Variants in FARP2 observed in about 807,000 individuals in gnomAD.
The protein encoded by FARP2 is FERM, ARHGEF and pleckstrin domain-containing protein 2.
Under a neutral mutation model 130.5 loss-of-function variants are expected in FARP2, and 111 were observed. The ratio of observed to expected loss-of-function variants is 0.85; its 90% CI spans 0.73 to 1.00. The LOEUF is 1.00. Ranked by LOEUF, FARP2 falls within the 50% of genes least tolerant of loss-of-function variation. The pLI is 0.00. For missense variants in FARP2, 1,385 were observed against 1,346.3 expected (o/e 1.03, Z -0.45); for synonymous variants, 504 against 516.9 (o/e 0.98, Z 0.34).
chr2:241,460,478 A>G (rs2063985070), intron 14 of FARP2, among the ~76,000 whole-genome samples: 1 of 150,128 alleles, frequency 6.7e-6, no homozygotes, highest in South Asian at 2.1e-4. Flanking sequence ...GGGTCTCACT[A>G]TGTTGCCCAG....
rs558963478 is a variant in FARP2, at chr2:241,407,624, C to T, written c.410+9C>T. 15 of 1,604,728 alleles carry T rather than the reference C, an allele frequency of 9.3e-6. No homozygotes were observed. The South Asian group carries it at 1.3e-4, about 14-fold the overall frequency. On this transcript the variant is annotated intron_variant, in intron 5 of 26. Transcript: ENST00000264042. ...CAAGAAGAATATACAAGGTAAAGAGCTCACAGAGCTGAAGCTGTTGTCAGC... is the reference window on the plus strand; with the variant it reads ...CAAGAAGAATATACAAGGTAAAGAGTTCACAGAGCTGAAGCTGTTGTCAGC...
In FARP2 at chr2:241,494,428, G is replaced by A. The variant is rs2065048189; in HGVS notation, c.*303G>A. On this transcript the variant is annotated 3_prime_UTR_variant, in exon 27 of 27. Coordinates refer to ENST00000264042, the MANE Select transcript of FARP2 (RefSeq NM_014808.4). This position sits in a 1 kb window ranked among gnomAD's most constrained non-coding sequence, Gnocchi z 4.9. ...AAGACGCAGACAAGGCCTGAGCAGT[G>A]CTCTCGGCATCGGACCAAAGCCTGG... is the stretch of plus-strand genomic sequence containing the variant. The A allele has an allele frequency of 4.3e-6, 1 of 230,370 alleles. No individual in the cohort carries two copies. The highest frequency in any genetic ancestry group is 8.4e-6 in the Non-Finnish European group (1 of 118,632). 14.3% of individuals were successfully genotyped at this position (230,370 alleles called of 1,614,324 possible). A position where few individuals can be genotyped will look rare whatever the true frequency, so the allele number is the denominator to read the frequency against.
At chr2:241,418,469 AC>A (rs1054897971) in intron 8 of FARP2, among the ~76,000 whole-genome samples, 1 of 149,014 alleles carries the variant, frequency 6.7e-6, no homozygotes, top group Non-Finnish European at 1.5e-5. Flanking sequence ...CTAAACCACA[AC>A]CCTGTTTTTT....
intron 2 of FARP2, among the ~76,000 whole-genome samples, chr2:241,397,272 C>G (rs776334429): frequency 2.5e-4 from 38 of 152,084 alleles, no homozygotes; most frequent in Non-Finnish European, 3.2e-4. Context: ...CAGCATGGCA[C>G]ATGTATACAT....
intron 4 of FARP2, among the ~76,000 whole-genome samples, chr2:241,406,094 G>C (rs979676572): frequency 6.6e-6 from 1 of 152,088 alleles, no homozygotes; most frequent in Non-Finnish European, 1.5e-5. Context: ...ACAAGGTCAG[G>C]AGATCGAGAC....
chr2:241,411,033 A>T lies in FARP2; in HGVS notation c.411A>T (p.Arg137Ser), dbSNP rs1364098862. ...DPGQLQEEYT[R>S]YLFALQLKRD... ...TGTCTTATTTTGAACTCTCTTCTAG[A>T]TACTTGTTTGCCTTGCAACTTAAGA... The change falls in exon 6 of 27, where the codon AGA (arginine) becomes AGT (serine). Residue 137 changes from arginine (R) to serine (S), a missense_variant and splice_region_variant. Physicochemically the swap from Arg to Ser is moderately radical, Grantham distance 110. Coordinates refer to ENST00000264042, the MANE Select transcript of FARP2 (RefSeq NM_014808.4). 4.4e-6 allele frequency: 7 copies of T among 1,599,232 alleles called. No homozygotes were observed. The highest frequency in any genetic ancestry group is 6.0e-6 in the Non-Finnish European group (7 of 1,168,764).
rs575612128 is a variant in FARP2, at chr2:241,403,375, C to T, written c.184-453C>T. Among the ~76,000 whole-genome samples the T allele has an allele frequency of 6.6e-4, 100 of 152,114 alleles. 3 individuals carry two copies. In the South Asian group the frequency reaches 0.02, roughly 31 times the overall value. ...GAATACAGGTGGGCACCGCTGTGCT[C>T]GGCTAATTTTTTAATTTGGGTAGAG... On this transcript the variant is annotated intron_variant, in intron 2 of 26. Coordinates refer to ENST00000264042, the MANE Select transcript of FARP2 (RefSeq NM_014808.4).
chr2:241,427,431 A>G (rs2062970302), intron 8 of FARP2, among the ~76,000 whole-genome samples: 1 of 152,162 alleles, frequency 6.6e-6, no homozygotes, highest in Non-Finnish European at 1.5e-5. Flanking sequence ...GGTCAAGGCA[A>G]GAGAATCACC....
Position 241,494,144 on chromosome 2 carries a change from T to G in FARP2, c.*19T>G, listed in dbSNP as rs748337739. ...GGAATGACGCTCAACCTGCCCAGGT[T>G]TGGACACAACTACAAAGAACAGCAG... On this transcript the variant is annotated 3_prime_UTR_variant, in exon 27 of 27. Transcript: ENST00000264042. This position sits in a 1 kb window ranked among gnomAD's most constrained non-coding sequence, Gnocchi z 4.9. The G allele has an allele frequency of 7.1e-6, 10 of 1,417,896 alleles. No homozygotes were observed. The highest frequency in any genetic ancestry group is 9.4e-6 in the Non-Finnish European group (10 of 1,067,622). The allele number at this position is 1,417,896 out of a possible 1,614,324, so 87.8% of individuals were successfully genotyped here.
intron 1 of FARP2, among the ~76,000 whole-genome samples, chr2:241,368,320 A>G (rs1170880629): frequency 1.3e-5 from 2 of 152,038 alleles, no homozygotes; most frequent in African/African-American, 4.8e-5. Flanking sequence ...TTACTTTGCC[A>G]CTTTCCTCTG....
chr2:241,465,627 TCTCA>T (rs1354549802), intron 17 of FARP2: 48 of 1,550,478 alleles, frequency 3.1e-5, no homozygotes, highest in Admixed American at 3.9e-5. Flanking sequence ...TGTTCAGGGG[TCTCA>T]CTCTTGCTTA....
intron 1 of FARP2, among the ~76,000 whole-genome samples, chr2:241,358,759 A>G (rs1434275030): frequency 2.6e-5 from 4 of 152,238 alleles, no homozygotes; most frequent in South Asian, 2.1e-4. Context: ...ATCAGAATAT[A>G]GAGTCCTTTG....
rs1418833937 is a variant in FARP2 at position 241,482,475 on chromosome 2, G to C, written c.2263-990G>C. 1.3e-5 allele frequency among the ~76,000 whole-genome samples: 2 copies of C among 152,206 alleles called. No homozygotes were observed. Among genetic ancestry groups the C allele is most frequent in the African/African-American group, 2.4e-5 (1 of 41,450 alleles). On this transcript the variant is annotated intron_variant, in intron 19 of 26. Coordinates refer to ENST00000264042, the MANE Select transcript of FARP2 (RefSeq NM_014808.4). This position sits in a 1 kb window ranked among gnomAD's most constrained non-coding sequence, Gnocchi z 4.6. ...CGGCGTGCGGTCTCCAGGGCTCCCT[G>C]TCACGCCCCTGTGGCCTCTCAGAGT...
chr2:241,401,738 A>G (rs1412766766), intron 2 of FARP2, among the ~76,000 whole-genome samples: 3 of 151,540 alleles, frequency 2.0e-5, no homozygotes, highest in South Asian at 2.1e-4. Context: ...TGTTCTTTTT[A>G]AGGGTTGCAT....
chr2:241,446,964 G>A (rs920870019), intron 13 of FARP2: 2 of 152,172 alleles, frequency 1.3e-5, no homozygotes, highest in African/African-American at 4.8e-5. Flanking sequence ...GAAAAAATGA[G>A]CTGAAATTTC....
At chr2:241,366,100 A>G (rs796473903) in intron 1 of FARP2, among the ~76,000 whole-genome samples, 2 of 9,238 alleles carry the variant, frequency 2.2e-4, no homozygotes, top group Non-Finnish European at 1.6e-3. Context: ...ACTAAAAAAA[A>G]AAAAATATAT....
Position 241,378,955 on chromosome 2 carries a change from C to G in FARP2, c.183+5665C>G, listed in dbSNP as rs1462963968. Among the ~76,000 whole-genome samples the G allele has an allele frequency of 3.9e-5, 6 of 152,162 alleles. No individual in the cohort carries two copies. The East Asian group carries it at 9.6e-4, about 24-fold the overall frequency. ...TGAACATAGAAATCTGGCCTCAGCT[C>G]TAAAGAATCTTGTTTTTGAGCCATA... is the stretch of plus-strand genomic sequence containing the variant. On this transcript the variant is annotated intron_variant, in intron 2 of 26. Coordinates refer to ENST00000264042, the MANE Select transcript of FARP2 (RefSeq NM_014808.4).
chr2:241,441,259 T>A (rs776024062), intron 12 of FARP2, 45 bp from the exon 13 acceptor site: 2 of 1,522,666 alleles, frequency 1.3e-6, no homozygotes, highest in East Asian at 4.6e-5. Context: ...AGTGGTAATT[T>A]GTAATTTTAT....
At chr2:241,479,174 G>A (rs2064551498) in intron 19 of FARP2, among the ~76,000 whole-genome samples, 1 of 152,194 alleles carries the variant, frequency 6.6e-6, no homozygotes, top group Non-Finnish European at 1.5e-5. Flanking sequence ...GCTGTCCAAG[G>A]CCAGGTGTCC....
Sources: allele counts gnomAD v4.1 joint callset (sites outside exome capture counted in the v4.1 genomes callset), GRCh38; gene constraint gnomAD v4.1.1; non-coding constraint Gnocchi (gnomAD v3.1); transcripts MANE v1.5; gene names NCBI Gene and HGNC (gene_info 2026-07-23, HGNC 2026-07-21).